PDE1C: variants seen among roughly 807,000 people sequenced by gnomAD.
The protein encoded by PDE1C is dual specificity calcium/calmodulin-dependent 3',5'-cyclic nucleotide phosphodiesterase 1C.
PDE1C carries 62 observed loss-of-function variants against 93.1 expected under a neutral mutation model. That is an observed-to-expected ratio of 0.67 (90% CI 0.54 to 0.82). The LOEUF (loss-of-function observed/expected upper bound fraction) is 0.82. Among genes scored for constraint, PDE1C ranks in the 40% least tolerant of loss-of-function variants. The pLI is 0.00. For synonymous variants in PDE1C, 325 were observed against 310.1 expected (o/e 1.05, Z -0.50); for missense variants, 742 against 884.6 (o/e 0.84, Z 2.04).
chr7:31,678,608 A>G, the PDE1C span, among the ~76,000 whole-genome samples: 3 of 152,318 alleles, frequency 2.0e-5, no homozygotes, highest in East Asian at 5.8e-4. Flanking sequence ...ACTGTATCAG[A>G]TACTTCGATA....
chr7:32,154,825 G>A (rs781336067), intron 3 of PDE1C, among the ~76,000 whole-genome samples: 9 of 152,218 alleles, frequency 5.9e-5, no homozygotes, highest in Non-Finnish European at 8.8e-5. Flanking sequence ...AGAGGTCTTC[G>A]GAGGCAAATG....
At chr7:31,971,872 G>A (rs779833032) in intron 2 of PDE1C, among the ~76,000 whole-genome samples, 1 of 152,154 alleles carries the variant, frequency 6.6e-6, no homozygotes, top group Non-Finnish European at 1.5e-5. Flanking sequence ...GTTTCCTGTA[G>A]TGCTAATTCC....
chr7:31,964,191 G>A (rs1253280872), intron 2 of PDE1C, among the ~76,000 whole-genome samples: 3 of 152,238 alleles, frequency 2.0e-5, no homozygotes, highest in Admixed American at 2.0e-4. Flanking sequence ...AGTGGTCAAG[G>A]AATTCCCTTT....
At chr7:32,210,593 C>T (rs1805950126) in intron 1 of PDE1C, among the ~76,000 whole-genome samples, 1 of 152,138 alleles carries the variant, frequency 6.6e-6, no homozygotes, top group South Asian at 2.1e-4. Context: ...TTAAAATTTA[C>T]TGCATTTGAG....
At chr7:31,880,572 G>A (rs534025222) in intron 3 of PDE1C, among the ~76,000 whole-genome samples, 175 bp downstream of exon 3, 1 of 152,146 alleles carries the variant, frequency 6.6e-6, no homozygotes, top group African/African-American at 2.4e-5. Context: ...AGATGAGGCG[G>A]TACAGAGAGT....
intron 2 of PDE1C, among the ~76,000 whole-genome samples, chr7:32,193,404 A>T (rs1336483941): frequency 6.6e-6 from 1 of 152,172 alleles, no homozygotes; most frequent in Admixed American, 6.5e-5. Context: ...AATTGATATG[A>T]TCATGTAATT....
chr7:31,623,981 A>G, the PDE1C span, among the ~76,000 whole-genome samples: 1 of 149,504 alleles, frequency 6.7e-6, no homozygotes, highest in African/African-American at 2.4e-5. Flanking sequence ...CCAATAACAG[A>G]CAAACAGAGA....
intron 2 of PDE1C, among the ~76,000 whole-genome samples, chr7:32,176,777 T>G (rs1362421661): frequency 6.6e-6 from 1 of 152,012 alleles, no homozygotes; most frequent in Non-Finnish European, 1.5e-5. Flanking sequence ...AAAGGAGCAG[T>G]TCTAAACTAT....
At chr7:31,631,753 T>C in the PDE1C span, among the ~76,000 whole-genome samples, 4 of 152,210 alleles carry the variant, frequency 2.6e-5, no homozygotes, top group Non-Finnish European at 4.4e-5. Flanking sequence ...AGAGTGCTAA[T>C]GGAAGTAATT....
intron 1 of PDE1C, among the ~76,000 whole-genome samples, chr7:32,232,954 G>A (rs994010397): frequency 1.9e-4 from 29 of 152,300 alleles, no homozygotes; most frequent in Non-Finnish European, 2.6e-4. Flanking sequence ...ACAAGAGCCA[G>A]AGTCTCATCA....
At chr7:32,418,832 TA>T (rs2128099180) in intron 1 of PDE1C, among the ~76,000 whole-genome samples, 1 of 152,322 alleles carries the variant, frequency 6.6e-6, no homozygotes, top group Non-Finnish European at 1.5e-5. Flanking sequence ...GCCCTGCATG[TA>T]ATCTTCAAAG....
intron 3 of PDE1C, among the ~76,000 whole-genome samples, chr7:32,130,824 C>A (rs1276502706): frequency 6.6e-6 from 1 of 152,174 alleles, no homozygotes; most frequent in Non-Finnish European, 1.5e-5. Context: ...TAACCTCTCT[C>A]CCCTTACTCC....
intron 17 of PDE1C, among the ~76,000 whole-genome samples, chr7:31,762,581 C>G (rs1794903670): frequency 6.6e-6 from 1 of 152,166 alleles, no homozygotes; most frequent in African/African-American, 2.4e-5. Context: ...CTCAAGTGAT[C>G]TGCCCATCTC....
chr7:31,975,540 C>T (rs986205583), intron 2 of PDE1C, among the ~76,000 whole-genome samples: 2 of 152,106 alleles, frequency 1.3e-5, no homozygotes, highest in Admixed American at 1.3e-4. Context: ...AGTCTCCTTA[C>T]AGCAGTCAGA....
At chr7:32,389,011 C>T (rs1241686316) in intron 1 of PDE1C, among the ~76,000 whole-genome samples, 1 of 152,150 alleles carries the variant, frequency 6.6e-6, no homozygotes, top group Non-Finnish European at 1.5e-5. Flanking sequence ...CAGCTAAATG[C>T]ATTGTATTCA....
the PDE1C span, among the ~76,000 whole-genome samples, chr7:31,668,023 T>C: frequency 1.3e-5 from 2 of 152,120 alleles, no homozygotes; most frequent in Non-Finnish European, 2.9e-5. Flanking sequence ...CATTTTTACA[T>C]GTGAAAAGAG....
chr7:31,981,620 G>T (rs1286674830), intron 2 of PDE1C, among the ~76,000 whole-genome samples: 1 of 152,108 alleles, frequency 6.6e-6, no homozygotes, highest in African/African-American at 2.4e-5. Flanking sequence ...ACAAAATCTT[G>T]TCACTGCTTT....
intron 2 of PDE1C, among the ~76,000 whole-genome samples, chr7:32,047,230 A>G (rs143291175): frequency 2.0e-5 from 3 of 152,220 alleles, no homozygotes; most frequent in Non-Finnish European, 4.4e-5. Context: ...AGACCTGATA[A>G]CTTGAAGGTG....
intron 2 of PDE1C, among the ~76,000 whole-genome samples, chr7:31,959,445 C>G (rs988383010): frequency 2.0e-5 from 3 of 152,174 alleles, no homozygotes; most frequent in African/African-American, 4.8e-5. Flanking sequence ...AACTCCTGGC[C>G]TCAAGTGATC....
Sources: allele counts gnomAD v4.1 joint callset (sites outside exome capture counted in the v4.1 genomes callset), GRCh38; gene constraint gnomAD v4.1.1; transcripts MANE v1.5; gene names NCBI Gene and HGNC (gene_info 2026-07-23, HGNC 2026-07-21).